The following NBEA variants were observed in gnomAD, a reference collection of about 807,000 sequenced individuals.
The protein encoded by NBEA is lysosomal-trafficking regulator 2.
Under a neutral mutation model 343.4 loss-of-function variants are expected in NBEA, and 44 were observed. The observed-to-expected ratio is 0.13, with a 90% CI of 0.10 to 0.16. NBEA has a LOEUF of 0.16. Among genes scored for constraint, NBEA ranks in the 10% least tolerant of loss-of-function variants. NBEA has a pLI of 1.00. For missense variants in NBEA, 2,555 were observed against 3,631.3 expected (o/e 0.70, Z 7.62); for synonymous variants, 1,175 against 1,238.7 (o/e 0.95, Z 1.08).
chr13:35,363,090 CA>C (rs1201455502), intron 38 of NBEA, among the ~76,000 whole-genome samples: 1 of 151,956 alleles, frequency 6.6e-6, no homozygotes, highest in Non-Finnish European at 1.5e-5. Context: ...CTGCAACCAC[CA>C]TACTAAGGCG....
At chr13:34,963,355 T>G (rs899506645) in intron 1 of NBEA, among the ~76,000 whole-genome samples, 18 of 152,010 alleles carry the variant, frequency 1.2e-4, no homozygotes, top group Admixed American at 3.3e-4. Context: ...ACATCAGTTA[T>G]ATTAGATTAG....
At chr13:35,613,698 G>T (rs1444682543) in intron 48 of NBEA, among the ~76,000 whole-genome samples, 1 of 152,034 alleles carries the variant, frequency 6.6e-6, no homozygotes, top group Non-Finnish European at 1.5e-5. Flanking sequence ...AGTGACCACT[G>T]CAGCCTTGAA....
intron 27 of NBEA, among the ~76,000 whole-genome samples, chr13:35,174,977 G>A (rs973734064): frequency 4.6e-5 from 7 of 151,802 alleles, no homozygotes; most frequent in Non-Finnish European, 7.4e-5. Context: ...ATTTTTAGTG[G>A]AGACGGGGTT....
At position 35,110,912 on chromosome 13, in the gene NBEA, A is replaced by G. The variant is rs777115368; in HGVS notation, c.1936A>G (p.Thr646Ala). ...RVGTVLQLMH[T>A]LKYYYWVINP... ...AGGAACAGTATTACAGCTAATGCAC[A>G]CCTTAAAATATTACTACTGGGTTAT... The change falls in exon 13 of 59, where the codon ACC becomes GCC. Residue 646 changes from threonine (T) to alanine (A), a missense_variant. Physicochemically the swap from Thr to Ala is moderately conservative, Grantham distance 58. Transcript: ENST00000379939. 1.9e-6 allele frequency: 3 copies of G among 1,612,352 alleles called. No homozygotes were observed. The highest frequency in any genetic ancestry group is 1.7e-6 in the Non-Finnish European group (2 of 1,178,748).
intron 1 of NBEA, among the ~76,000 whole-genome samples, chr13:34,955,526 G>A (rs2059463934): frequency 6.6e-6 from 1 of 152,004 alleles, no homozygotes; most frequent in South Asian, 2.1e-4. Flanking sequence ...AAGGGATCTC[G>A]AAGGACAAGT....
chr13:35,222,748 A>C (rs2074438745), intron 33 of NBEA, among the ~76,000 whole-genome samples: 1 of 152,174 alleles, frequency 6.6e-6, no homozygotes, highest in Non-Finnish European at 1.5e-5. Context: ...TGTGTTAATA[A>C]AGATGCTTGT....
chr13:35,570,319 C>A (rs2080342817), intron 45 of NBEA, among the ~76,000 whole-genome samples: 1 of 152,262 alleles, frequency 6.6e-6, no homozygotes, highest in South Asian at 2.1e-4. Context: ...CAGGCGTGAG[C>A]CACCACGCCC....
chr13:35,123,595 A>G, intron 17 of NBEA, 21 bp downstream of exon 17: 3 of 1,372,974 alleles, frequency 2.2e-6, no homozygotes, highest in African/African-American at 2.9e-5. Context: ...ATTTGTCATA[A>G]TGCATTCTAG....
chr13:34,947,949 T>C (rs896795776), intron 1 of NBEA, among the ~76,000 whole-genome samples: 2 of 152,250 alleles, frequency 1.3e-5, no homozygotes, highest in Non-Finnish European at 2.9e-5. Context: ...TATTTTGAAC[T>C]GGCATCTGTT....
intron 17 of NBEA, among the ~76,000 whole-genome samples, chr13:35,124,397 G>A (rs551688960): frequency 2.7e-4 from 41 of 150,644 alleles, no homozygotes; most frequent in African/African-American, 7.5e-4. Context: ...CGGTACCAAA[G>A]AATAATTAAG....
intron 45 of NBEA, among the ~76,000 whole-genome samples, chr13:35,575,806 GC>G (rs1184322388): frequency 6.6e-6 from 1 of 152,024 alleles, no homozygotes; most frequent in Admixed American, 6.6e-5. Context: ...GATTCAGTCA[GC>G]GACCACACAG....
chr13:35,107,932 C>T (rs1376620358), intron 11 of NBEA, among the ~76,000 whole-genome samples: 4 of 152,022 alleles, frequency 2.6e-5, no homozygotes, highest in Admixed American at 6.6e-5. Context: ...TCTTTATTGT[C>T]TCCTACTCTA....
At chr13:35,141,551 C>T (rs900661766) in intron 17 of NBEA, among the ~76,000 whole-genome samples, 15 of 152,146 alleles carry the variant, frequency 9.9e-5, no homozygotes, top group African/African-American at 3.6e-4. Context: ...AGGCGTGAAC[C>T]ACTGTTCCCG....
chr13:35,302,272 C>CCCCAGATACATA (rs2036605531), intron 35 of NBEA, among the ~76,000 whole-genome samples: 1 of 152,084 alleles, frequency 6.6e-6, no homozygotes, highest in Non-Finnish European at 1.5e-5. Flanking sequence ...ATAGTTACTG[C>CCCCAGATACATA]CTGTGTCTTA....
chr13:35,567,246 G>A (rs1011404726), intron 45 of NBEA, among the ~76,000 whole-genome samples: 2 of 152,160 alleles, frequency 1.3e-5, no homozygotes, highest in African/African-American at 4.8e-5. Flanking sequence ...AGAAACAGCA[G>A]ATGTAGAGAG....
At chr13:35,295,084 A>C (rs1178296233) in intron 35 of NBEA, among the ~76,000 whole-genome samples, 1 of 149,092 alleles carries the variant, frequency 6.7e-6, no homozygotes, top group South Asian at 2.1e-4. Flanking sequence ...AATAGCAGAA[A>C]TTAAGTGGCC....
At chr13:35,076,006 A>G (rs1187616225) in intron 10 of NBEA, among the ~76,000 whole-genome samples, 2 of 151,962 alleles carry the variant, frequency 1.3e-5, no homozygotes, top group East Asian at 3.8e-4. Context: ...TGACTTAAAA[A>G]TAATATGTGA....
chr13:35,328,774 GT>G (rs760322282), intron 36 of NBEA, among the ~76,000 whole-genome samples: 2,338 of 141,214 alleles, frequency 0.017, 48 homozygotes, highest in African/African-American at 0.053. Flanking sequence ...TTCCAGCAGG[GT>G]TTTTTTTTTT....
In NBEA at chr13:35,140,530, G is replaced by A. The variant is rs549435634; in HGVS notation, c.2337-1739G>A. On this transcript the variant is annotated intron_variant, in intron 17 of 58. Transcript: ENST00000379939. ...CTGTATTTTTTTTAAATAGCCATTT[G>A]ACCTTTTTCAGTCATATTTAAGTGT... Among the ~76,000 whole-genome samples the A allele has an allele frequency of 1.2e-3, 180 of 152,080 alleles. 2 individuals carry two copies. Among genetic ancestry groups the A allele is most frequent in the African/African-American group, 4.2e-3 (176 of 41,482 alleles).
Sources: gnomAD v4.1 joint callset for allele counts (sites outside exome capture counted in the v4.1 genomes callset) on GRCh38, gnomAD v4.1.1 for gene constraint, MANE v1.5 for transcripts, NCBI Gene and HGNC (gene_info 2026-07-23, HGNC 2026-07-21) for gene names.